MALRD1: variants seen among roughly 807,000 people sequenced by gnomAD.
MALRD1 encodes the protein MAM and LDL receptor class A domain containing 1.
In MALRD1, 247 loss-of-function variants were observed where a neutral mutation model predicts 242.1. The ratio of observed to expected loss-of-function variants is 1.02; its 90% CI spans 0.92 to 1.13. The LOEUF (loss-of-function observed/expected upper bound fraction) is 1.13, where lower values mean the gene tolerates loss of function less well. Among genes scored for constraint, MALRD1 ranks in the 50% most tolerant of loss-of-function variants. MALRD1 has a pLI of 0.00. For synonymous variants in MALRD1, 995 were observed against 866.6 expected (o/e 1.15, Z -2.60); for missense variants, 2,989 against 2,533.1 (o/e 1.18, Z -3.86).
intron 38 of MALRD1, among the ~76,000 whole-genome samples, chr10:19,701,595 A>G (rs1833630750): frequency 1.3e-5 from 2 of 152,234 alleles, no homozygotes; most frequent in African/African-American, 2.4e-5. Flanking sequence ...GTAGCAAAAG[A>G]TGAGATTTGA....
chr10:19,238,426 T>C (rs1446590598), intron 18 of MALRD1, among the ~76,000 whole-genome samples: 1 of 79,818 alleles, frequency 1.3e-5, no homozygotes, highest in Non-Finnish European at 2.2e-5. Context: ...TAATATACAT[T>C]ATATATAATA....
chr10:19,185,814 AGTGTGTGTGTGTGTGTGTGTGT>A (rs5783657), intron 14 of MALRD1, among the ~76,000 whole-genome samples: 1 of 148,286 alleles, frequency 6.7e-6, no homozygotes, highest in African/African-American at 2.5e-5. Flanking sequence ...GTTTTGAGAT[AGTGTGTGTGTGTGTGTGTGTGT>A]GTGTGTGTTA....
chr10:19,531,115 T>C (rs956834747), intron 31 of MALRD1, 79 bp from the exon 32 acceptor site: 10 of 1,184,024 alleles, frequency 8.4e-6, no homozygotes, highest in Admixed American at 5.2e-5. Context: ...TAAAAAGATA[T>C]CTGTTAATAG....
intron 32 of MALRD1, among the ~76,000 whole-genome samples, chr10:19,534,375 G>C (rs377119144): frequency 6.6e-6 from 1 of 152,152 alleles, no homozygotes; most frequent in Non-Finnish European, 1.5e-5. Flanking sequence ...CCCATTCTCC[G>C]TGTTCTTCGG....
chr10:19,650,363 T>A (rs1840816617), intron 36 of MALRD1, among the ~76,000 whole-genome samples: 1 of 152,100 alleles, frequency 6.6e-6, no homozygotes, highest in South Asian at 2.1e-4. Flanking sequence ...AAGAAATGCA[T>A]AAAAATAACA....
At chr10:19,365,659 T>TAAAAAA (rs199989681) in intron 26 of MALRD1, among the ~76,000 whole-genome samples, 4 of 122,918 alleles carry the variant, frequency 3.3e-5, no homozygotes, top group East Asian at 2.6e-4. Flanking sequence ...TTATAAATTC[T>TAAAAAA]AAAAAAAAAA....
At chr10:19,212,591 T>G (rs1837117929) in intron 18 of MALRD1, among the ~76,000 whole-genome samples, 1 of 152,178 alleles carries the variant, frequency 6.6e-6, no homozygotes, top group Admixed American at 6.5e-5. Flanking sequence ...TACTTTTATC[T>G]CTCTTGGGTA....
At position 19,256,284 on chromosome 10, in the gene MALRD1, C is replaced by T. The variant is rs191951557; in HGVS notation, c.2992-1400C>T. On this transcript the variant is annotated intron_variant, in intron 18 of 39. Transcript: ENST00000454679. ...GATTAATTCATATTTGTGCCTTTTC[C>T]CCAACTGTTCACCCAACTCTATTTT... 2.2e-3 allele frequency among the ~76,000 whole-genome samples: 330 copies of T among 152,024 alleles called. 1 individual carries two copies. Among genetic ancestry groups the T allele is most frequent in the African/African-American group, 7.6e-3 (317 of 41,500 alleles).
chr10:19,507,126 C>T (rs1411456268), intron 31 of MALRD1, among the ~76,000 whole-genome samples: 1 of 152,006 alleles, frequency 6.6e-6, no homozygotes, highest in Non-Finnish European at 1.5e-5. Context: ...CCAGAGAACT[C>T]ACTCTCACAA....
chr10:19,471,038 C>T (rs1023929953), intron 29 of MALRD1, among the ~76,000 whole-genome samples: 2 of 151,600 alleles, frequency 1.3e-5, no homozygotes, highest in African/African-American at 4.8e-5. Flanking sequence ...GGAAATTTTC[C>T]CCTATCTTTT....
chr10:19,094,472 C>CAA (rs1046493181), intron 4 of MALRD1, among the ~76,000 whole-genome samples: 1 of 149,382 alleles, frequency 6.7e-6, no homozygotes, highest in African/African-American at 2.5e-5. Flanking sequence ...TGCACACACA[C>CAA]TGGCCTGCGC....
At chr10:19,488,830 A>G (rs1837343566) in intron 29 of MALRD1, 1 of 346,066 alleles carries the variant, frequency 2.9e-6, no homozygotes, top group African/African-American at 2.1e-5. Flanking sequence ...GTGGCCATGC[A>G]AAGAAGTCAA....
At position 19,124,604 on chromosome 10, in the gene MALRD1, A is replaced by C; in HGVS notation, c.877A>C (p.Thr293Pro). The part of the protein sequence containing the change: ...ASAGQISWMR[T>P]KAREIPAFES... Reference sequence around the variant, plus strand: ...TGCTGGCCAAATTTCCTGGATGCGCACAAAAGCGAGAGAGATCCCTGCATT... The same window carrying C: ...TGCTGGCCAAATTTCCTGGATGCGCCCAAAAGCGAGAGAGATCCCTGCATT... The change falls in exon 7 of 40, where the codon ACA becomes CCA. Residue 293 changes from threonine to proline, a missense_variant. By Grantham distance (38) the Thr-to-Pro change is conservative (BLOSUM62 -1). Coordinates refer to ENST00000454679, the MANE Select transcript of MALRD1 (RefSeq NM_001142308.3). 1 of 1,233,888 alleles carries C rather than the reference A, an allele frequency of 8.1e-7. No individual in the cohort carries two copies. Among genetic ancestry groups the C allele is most frequent in the Non-Finnish European group, 1.0e-6 (1 of 988,130 alleles). The allele number at this position is 1,233,888 out of a possible 1,614,324, so 76.4% of individuals were successfully genotyped here. A position where few individuals can be genotyped will look rare whatever the true frequency, so the allele number is the denominator to read the frequency against.
chr10:19,088,705 T>A (rs1307133365), intron 4 of MALRD1, among the ~76,000 whole-genome samples: 2 of 101,462 alleles, frequency 2.0e-5, no homozygotes, highest in African/African-American at 8.2e-5. Flanking sequence ...CATCTAGCAT[T>A]AGGTATATCT....
chr10:19,285,426 T>A (rs947815259), intron 21 of MALRD1, among the ~76,000 whole-genome samples: 2 of 150,788 alleles, frequency 1.3e-5, no homozygotes, highest in African/African-American at 4.9e-5. Context: ...AATTGATTTT[T>A]GTATAAGGTA....
chr10:19,557,050 T>C (rs1177688061), intron 32 of MALRD1, among the ~76,000 whole-genome samples: 3 of 152,150 alleles, frequency 2.0e-5, no homozygotes. Flanking sequence ...ACAAATGAGT[T>C]TGAGTATTTT....
At chr10:19,220,089 C>T (rs1436682093) in intron 18 of MALRD1, among the ~76,000 whole-genome samples, 3 of 152,110 alleles carry the variant, frequency 2.0e-5, no homozygotes, top group African/African-American at 7.2e-5. Context: ...TTTAATATGG[C>T]TTGCTTTATT....
chr10:19,693,468 A>G (rs1833206746), intron 38 of MALRD1, among the ~76,000 whole-genome samples: 1 of 152,188 alleles, frequency 6.6e-6, no homozygotes, highest in South Asian at 2.1e-4. Flanking sequence ...GTGAACTCCC[A>G]TTCACAATTA....
Position 19,048,932 on chromosome 10 carries a change from C to T in MALRD1, c.-7C>T. On this transcript the variant is annotated 5_prime_UTR_variant, in exon 1 of 40. Transcript: ENST00000454679. Reference sequence around the variant, plus strand: ...ACTGCTTGATCTCTAATAGACAATACCAAGTAATGCTCTTCTTCCTGGACA... The same window carrying T: ...ACTGCTTGATCTCTAATAGACAATATCAAGTAATGCTCTTCTTCCTGGACA... The T allele has an allele frequency of 1.6e-6, 2 of 1,233,474 alleles. No homozygotes were observed. The highest frequency in any genetic ancestry group is 2.0e-6 in the Non-Finnish European group (2 of 987,756). The allele number at this position is 1,233,474 out of a possible 1,614,324, so 76.4% of individuals were successfully genotyped here.
Sources: allele counts gnomAD v4.1 joint callset (sites outside exome capture counted in the v4.1 genomes callset), GRCh38; gene constraint gnomAD v4.1.1; transcripts MANE v1.5; gene names NCBI Gene and HGNC (gene_info 2026-07-23, HGNC 2026-07-21).